TAF3: variants seen among roughly 807,000 people sequenced by gnomAD.
The protein encoded by TAF3 is transcription initiation factor TFIID subunit 3.
A neutral mutation model predicts 80.6 loss-of-function variants in TAF3; 7 were observed. The ratio of observed to expected loss-of-function variants is 0.09; its 90% confidence interval spans 0.05 to 0.16. The LOEUF (loss-of-function observed/expected upper bound fraction) is 0.16, where lower values mean the gene tolerates loss of function less well. Ranked by LOEUF, TAF3 falls within the 10% of genes least tolerant of loss-of-function variation. The pLI is 1.00. For missense variants in TAF3, 921 were observed against 1,140.2 expected (o/e 0.81, Z 2.77); for synonymous variants, 444 against 446.1 (o/e 1.00, Z 0.06).
At chr10:7,977,436 C>A in intron 4 of TAF3, 113 bp downstream of exon 4, 1 of 886,266 alleles carries the variant, frequency 1.1e-6, no homozygotes, top group South Asian at 2.1e-5. Context: ...CCTGTAGGGT[C>A]AAGCTTTATT....
intron 2 of TAF3, among the ~76,000 whole-genome samples, chr10:7,836,405 C>T (rs1231084110): frequency 6.6e-6 from 1 of 151,724 alleles, no homozygotes; most frequent in Non-Finnish European, 1.5e-5. Flanking sequence ...CTCCCGAGTA[C>T]CTGGGATTAG....
chr10:7,947,274 C>A (rs1159009648), intron 2 of TAF3, among the ~76,000 whole-genome samples: 4 of 152,116 alleles, frequency 2.6e-5, no homozygotes, highest in Non-Finnish European at 4.4e-5. Flanking sequence ...ACGGCCCCTC[C>A]AGCCCCCACC....
chr10:7,888,167 C>T (rs374708896), intron 2 of TAF3, among the ~76,000 whole-genome samples: 2 of 119,924 alleles, frequency 1.7e-5, no homozygotes, highest in East Asian at 4.9e-4. Flanking sequence ...TTTTCCTGAA[C>T]GCTGTCTTCC....
At chr10:7,842,316 C>T (rs577790784) in intron 2 of TAF3, among the ~76,000 whole-genome samples, 4 of 151,736 alleles carry the variant, frequency 2.6e-5, no homozygotes, top group South Asian at 2.1e-4. Context: ...TGCACCACCA[C>T]ACTCAACTAA....
chr10:7,884,398 T>G (rs569497462), intron 2 of TAF3, among the ~76,000 whole-genome samples: 2 of 149,248 alleles, frequency 1.3e-5, no homozygotes, highest in East Asian at 4.0e-4. Flanking sequence ...CCTCCTTTTT[T>G]TTTTTGAGAT....
At chr10:7,931,499 A>T (rs1554782681) in intron 2 of TAF3, among the ~76,000 whole-genome samples, 1 of 152,224 alleles carries the variant, frequency 6.6e-6, no homozygotes, top group Non-Finnish European at 1.5e-5. Flanking sequence ...CCATCATTTA[A>T]GTCTGGTAGA....
At chr10:7,926,855 C>G (rs528663171) in intron 2 of TAF3, among the ~76,000 whole-genome samples, 2 of 152,170 alleles carry the variant, frequency 1.3e-5, no homozygotes, top group East Asian at 3.9e-4. Flanking sequence ...TTTACTTTAT[C>G]GTAACAACTT....
intron 3 of TAF3, among the ~76,000 whole-genome samples, chr10:7,972,546 A>G (rs1240304611): frequency 6.6e-6 from 1 of 152,226 alleles, no homozygotes; most frequent in Non-Finnish European, 1.5e-5. Context: ...CTGTAATTAC[A>G]GATGAAACTT....
chr10:7,985,887 G>T (rs935684701), intron 4 of TAF3, among the ~76,000 whole-genome samples: 4 of 149,792 alleles, frequency 2.7e-5, no homozygotes, highest in African/African-American at 9.8e-5. Flanking sequence ...GGGTTCAAGT[G>T]ATTCTCCTGC....
rs910225877 is a variant in TAF3, at chr10:7,975,390, G to A, written c.2233-1851G>A. Among the ~76,000 whole-genome samples, 4 of 152,140 alleles carry A rather than the reference G, an allele frequency of 2.6e-5. No homozygotes were observed. In the East Asian group the frequency reaches 7.7e-4, roughly 29 times the overall value. ...TACACTTATCTTAAGACTTACTAGG[G>A]TCAGATCCTGAAACAGGCACTAGAA... On this transcript the variant is annotated intron_variant, in intron 3 of 6. Transcript: ENST00000344293.
intron 2 of TAF3, among the ~76,000 whole-genome samples, chr10:7,825,700 G>C (rs993374318): frequency 1.3e-5 from 2 of 152,226 alleles, no homozygotes; most frequent in African/African-American, 2.4e-5. Context: ...GTTTAAGGCA[G>C]AATAATATAT....
chr10:7,934,941 TTGTC>T (rs1466628942), intron 2 of TAF3, among the ~76,000 whole-genome samples: 6 of 152,224 alleles, frequency 3.9e-5, no homozygotes, highest in Admixed American at 1.3e-4. Flanking sequence ...TCATGAAGCT[TTGTC>T]TGGGGGAAAA....
intron 2 of TAF3, among the ~76,000 whole-genome samples, chr10:7,849,882 T>C (rs1308087120): frequency 6.6e-6 from 1 of 152,152 alleles, no homozygotes; most frequent in Non-Finnish European, 1.5e-5. Flanking sequence ...GTTTTCACCA[T>C]GTTGCCCAGG....
chr10:7,953,312 T>C (rs1838102486), intron 2 of TAF3, among the ~76,000 whole-genome samples: 1 of 152,220 alleles, frequency 6.6e-6, no homozygotes, highest in African/African-American at 2.4e-5. Context: ...AATCAAGTGG[T>C]AGAGTTTCAG....
chr10:8,011,116 T>C (rs776862786), intron 5 of TAF3, among the ~76,000 whole-genome samples: 2 of 152,196 alleles, frequency 1.3e-5, no homozygotes, highest in Non-Finnish European at 2.9e-5. Context: ...GACTACCAAC[T>C]CTGCAGACTG....
intron 2 of TAF3, among the ~76,000 whole-genome samples, chr10:7,838,911 T>TTTTTTTTTTTG (rs1836881312): frequency 7.2e-6 from 1 of 139,524 alleles, no homozygotes; most frequent in Admixed American, 7.1e-5. Flanking sequence ...ATTGCTTGTT[T>TTTTTTTTTTTG]TTTTTTTTTT....
At chr10:7,825,672 TTG>T (rs1297163993) in intron 2 of TAF3, among the ~76,000 whole-genome samples, 4 of 152,208 alleles carry the variant, frequency 2.6e-5, no homozygotes, top group Non-Finnish European at 5.9e-5. Flanking sequence ...CGGGATTTCG[TTG>T]TGTGTTTCGT....
At position 7,818,510 on chromosome 10, in the gene TAF3, G is replaced by A. The variant is rs531637963; in HGVS notation, c.-200G>A. The A allele has an allele frequency of 6.0e-6, 3 of 501,604 alleles. No homozygotes were observed. The East Asian group carries it at 1.0e-4, about 17-fold the overall frequency. The allele number at this position is 501,604 out of a possible 1,614,324, so 31.1% of individuals were successfully genotyped here. A position where few individuals can be genotyped will look rare whatever the true frequency, so the allele number is the denominator to read the frequency against. On this transcript the variant is annotated 5_prime_UTR_variant, in exon 1 of 7. Coordinates refer to ENST00000344293, the MANE Select transcript of TAF3 (RefSeq NM_031923.4). ...CCTCGCCCCGGCGGCCGTCCAGCGG[G>A]AGGCGGAGCGAGTCCAAAATGGCGG...
chr10:7,872,957 G>A (rs1197611203), intron 2 of TAF3, among the ~76,000 whole-genome samples: 1 of 152,102 alleles, frequency 6.6e-6, no homozygotes, highest in Non-Finnish European at 1.5e-5. Flanking sequence ...TGTCAGAGGT[G>A]TAATTCATGA....
Sources: allele counts gnomAD v4.1 joint callset (sites outside exome capture counted in the v4.1 genomes callset), GRCh38; gene constraint gnomAD v4.1.1; transcripts MANE v1.5; gene names NCBI Gene and HGNC (gene_info 2026-07-23, HGNC 2026-07-21).